The following RCOR2 variants were observed in gnomAD, a reference collection of about 807,000 sequenced individuals.
RCOR2 encodes the protein REST corepressor 2.
In RCOR2, 19 loss-of-function variants were observed where a neutral mutation model predicts 58.9. That is an observed-to-expected ratio of 0.32 (90% confidence interval 0.23 to 0.47). The LOEUF is 0.47. Ranked by LOEUF, RCOR2 falls within the 20% of genes least tolerant of loss-of-function variation. RCOR2 has a pLI of 1.00. For synonymous variants in RCOR2, 286 were observed against 278.7 expected (o/e 1.03, Z -0.26); for missense variants, 590 against 707.9 (o/e 0.83, Z 1.89).
At chr11:63,924,069 C>A in the RCOR2 span, among the ~76,000 whole-genome samples, 8,567 of 151,822 alleles carry the variant, frequency 0.056, 807 homozygotes, top group African/African-American at 0.2. Flanking sequence ...CTACCACGCC[C>A]GGCTAATTTT....
upstream of RCOR2, among the ~76,000 whole-genome samples, chr11:63,921,524 A>G (rs1268669190): frequency 1.3e-5 from 2 of 152,004 alleles, no homozygotes; most frequent in African/African-American, 4.8e-5. Context: ...AGGAGCTCAG[A>G]CTTAGGTTGA....
intron 8 of RCOR2, among the ~76,000 whole-genome samples, 191 bp from the exon 9 acceptor site, chr11:63,913,138 C>T (rs1293625723): frequency 6.8e-6 from 1 of 146,614 alleles, no homozygotes; most frequent in African/African-American, 2.5e-5. Flanking sequence ...CCCCTTTCTG[C>T]AGACCAGTTT....
intron 7 of RCOR2, 35 bp downstream of exon 7, chr11:63,914,226 C>G (rs367613173): frequency 2.5e-6 from 4 of 1,613,256 alleles, no homozygotes; most frequent in Non-Finnish European, 3.4e-6. Flanking sequence ...GGCAAGAGGA[C>G]AGGCAGGCAG....
At chr11:63,921,206 G>A (rs1341733819), upstream of RCOR2, among the ~76,000 whole-genome samples, 1 of 152,190 alleles carries the variant, frequency 6.6e-6, no homozygotes, top group Non-Finnish European at 1.5e-5. Flanking sequence ...CCATGAGGGG[G>A]AGCCTGCTTG....
chr11:63,916,523 T>A lies in RCOR2; in HGVS notation c.-67A>T. 6.5e-7 allele frequency: 1 copy of A among 1,533,356 alleles called. No homozygotes were observed. Among genetic ancestry groups the A allele is most frequent in the East Asian group, 2.4e-5 (1 of 42,124 alleles). The allele number at this position is 1,533,356 out of a possible 1,614,324, so 95.0% of individuals were successfully genotyped here. A position where few individuals can be genotyped will look rare whatever the true frequency, so the allele number is the denominator to read the frequency against. The stretch of plus-strand genomic sequence containing the variant: ...GAGCGACAGTGGTTGCCGCACTCGC[T>A]CCGAGTGCCGAGCCCGGCCCGGCCT... On this transcript the variant is annotated 5_prime_UTR_variant, in exon 1 of 12. Transcript: ENST00000301459.
rs372630675 is a variant in RCOR2 at position 63,912,156 on chromosome 11, C to T, written c.1281G>A (p.Thr427=). The T allele has an allele frequency of 1.8e-5, 27 of 1,542,656 alleles. No homozygotes were observed. The highest frequency in any genetic ancestry group is 1.2e-4 in the Admixed American group (6 of 49,340). Residue 427 remains threonine (T), a synonymous_variant, in exon 12 of 12, where the codon ACG becomes ACA. Coordinates refer to ENST00000301459, the MANE Select transcript of RCOR2 (RefSeq NM_173587.4). ...CAGGGGGCACTGATCGGGGCACGGA[C>T]GTGGAGACCGATGTAATCTGGACCT... is the stretch of plus-strand genomic sequence containing the variant. ...DDEVQITSVS[T]SVPRSVPPAP...
At position 63,914,929 on chromosome 11, in the gene RCOR2, C is replaced by T. The variant is rs1350306662; in HGVS notation, c.291G>A (p.Lys97=). 4 of 1,613,860 alleles carry T rather than the reference C, an allele frequency of 2.5e-6. No homozygotes were observed. Among genetic ancestry groups the T allele is most frequent in the Non-Finnish European group, 3.4e-6 (4 of 1,180,022 alleles). ...GCTCAATGTTGTAGCCATGCTTCTC[C>T]TTGGCCATCGCAATGTACTTGTCAA... The part of the protein sequence containing the change: ...AKLDKYIAMA[K]EKHGYNIEQA... The change falls in exon 4 of 12, where the codon AAG becomes AAA. Residue 97 remains lysine (K), a synonymous_variant. Transcript: ENST00000301459.
chr11:63,912,825 A>G (rs320110), intron 9 of RCOR2, 45 bp downstream of exon 9: 1,572,054 of 1,609,496 alleles, frequency 0.98, 773,660 homozygotes, highest in Non-Finnish European at 1. Flanking sequence ...CTCTGCCTCC[A>G]GAGAGAAACC....
At chr11:63,913,191 T>A (rs1408265619) in intron 8 of RCOR2, among the ~76,000 whole-genome samples, 6 of 142,454 alleles carry the variant, frequency 4.2e-5, no homozygotes, top group South Asian at 2.2e-4. Context: ...TATATTTTTT[T>A]TTTTTTTTTT....
chr11:63,919,133 TAGG>T (rs903170137), upstream of RCOR2, among the ~76,000 whole-genome samples: 84 of 152,004 alleles, frequency 5.5e-4, no homozygotes, highest in African/African-American at 2.0e-3. Context: ...GGCTTCTGCC[TAGG>T]AGGTGGGCCA....
chr11:63,913,903 C>T (rs1941815990), intron 8 of RCOR2, 51 bp downstream of exon 8: 1 of 1,542,164 alleles, frequency 6.5e-7, no homozygotes, highest in African/African-American at 1.4e-5. Context: ...CTTCAGTTCC[C>T]AGGTGCCGAA....
chr11:63,915,324 G>A, intron 2 of RCOR2, 66 bp from the exon 3 acceptor site: 3 of 1,415,336 alleles, frequency 2.1e-6, no homozygotes, highest in Non-Finnish European at 2.9e-6. Context: ...CTAGACCCAT[G>A]GCCAGAGGGC....
chr11:63,916,609 G>C lies in RCOR2; in HGVS notation c.-153C>G. On this transcript the variant is annotated 5_prime_UTR_variant, in exon 1 of 12. Coordinates refer to ENST00000301459, the MANE Select transcript of RCOR2 (RefSeq NM_173587.4). ...GTCAGCGTGGCTAGGGTCCGGCGGG[G>C]TGGGAGCCCACCTGGTAGCCCCAGC... 2.3e-6 allele frequency: 3 copies of C among 1,326,556 alleles called. No individual in the cohort carries two copies. The highest frequency in any genetic ancestry group is 3.0e-6 in the Non-Finnish European group (3 of 1,003,470). The allele number at this position is 1,326,556 out of a possible 1,614,324, so 82.2% of individuals were successfully genotyped here.
the RCOR2 span, among the ~76,000 whole-genome samples, chr11:63,927,060 C>G: frequency 2.6e-5 from 4 of 151,550 alleles, no homozygotes; most frequent in Non-Finnish European, 5.9e-5. Context: ...GTGATCCACC[C>G]AAACTCCTGG....
upstream of RCOR2, among the ~76,000 whole-genome samples, chr11:63,918,868 T>G (rs569303569): frequency 6.6e-6 from 1 of 151,988 alleles, no homozygotes; most frequent in East Asian, 1.9e-4. Flanking sequence ...CTCAGCATCC[T>G]GCTTATTTCT....
In RCOR2 at chr11:63,912,029, G is replaced by A; in HGVS notation, c.1408C>T (p.Leu470=). Residue 470 remains leucine, a synonymous_variant, in exon 12 of 12, where the codon CTG becomes TTG. Transcript: ENST00000301459. ...APTLLRQPPP[L]QQGRFLQPRL... ...GGCTGGAGGAAGCGGCCCTGCTGCA[G>A]TGGGGGTGGCTGTCGGAGCAGAGTG... The A allele has an allele frequency of 1.4e-6, 2 of 1,473,994 alleles. No individual in the cohort carries two copies. Among genetic ancestry groups the A allele is most frequent in the Non-Finnish European group, 1.8e-6 (2 of 1,118,672 alleles). The allele number at this position is 1,473,994 out of a possible 1,614,324, so 91.3% of individuals were successfully genotyped here.
At chr11:63,918,913 C>T (rs1941897239), upstream of RCOR2, among the ~76,000 whole-genome samples, 1 of 152,136 alleles carries the variant, frequency 6.6e-6, no homozygotes, top group African/African-American at 2.4e-5. Flanking sequence ...CAGGTACCCC[C>T]AGTCTCTCTA....
At chr11:63,925,795 T>A in the RCOR2 span, among the ~76,000 whole-genome samples, 2 of 117,126 alleles carry the variant, frequency 1.7e-5, no homozygotes, top group South Asian at 2.7e-4. Context: ...GGTGAGACCC[T>A]GTCTCAAAAA....
rs371327834 is a variant in RCOR2 at position 63,914,284 on chromosome 11, C to T, written c.652G>A (p.Asp218Asn). The change falls in exon 7 of 12, where the codon GAT becomes AAT. Residue 218 changes from aspartate to asparagine, a missense_variant. Asp to Asn is a conservative substitution (Grantham distance 23). Transcript: ENST00000301459. ...GRGGVSEGEP[D>N]PADPKREPLP... is the part of the protein sequence containing the mutation. ...ACCTCTCTCTTGGGATCTGCAGGAT[C>T]GGGCTCTCCCTCACTCACGCCTCCT... 1.1e-5 allele frequency: 18 copies of T among 1,613,388 alleles called. No homozygotes were observed. The highest frequency in any genetic ancestry group is 1.4e-5 in the Non-Finnish European group (16 of 1,179,980).
Sources: gnomAD v4.1 joint callset for allele counts (sites outside exome capture counted in the v4.1 genomes callset) on GRCh38, gnomAD v4.1.1 for gene constraint, MANE v1.5 for transcripts, NCBI Gene and HGNC (gene_info 2026-07-23, HGNC 2026-07-21) for gene names.